Variants in RPTOR observed in about 807,000 individuals in gnomAD.
The protein encoded by RPTOR is regulatory-associated protein of mTOR.
A neutral mutation model predicts 169.9 loss-of-function variants in RPTOR; 21 were observed. The observed-to-expected ratio is 0.12, with a 90% CI of 0.09 to 0.18. RPTOR has a LOEUF of 0.18. RPTOR is among the 10% of genes least tolerant of loss of function. RPTOR has a pLI of 1.00. For synonymous variants in RPTOR, 732 were observed against 753.2 expected, an observed-to-expected ratio of 0.97 and a Z score of 0.46; for missense variants, 1,133 against 1,855.9, an observed-to-expected ratio of 0.61 and a Z score of 7.16.
intron 13 of RPTOR, among the ~76,000 whole-genome samples, chr17:80,859,888 G>A (rs561337344): frequency 6.6e-6 from 1 of 152,216 alleles, no homozygotes; most frequent in Non-Finnish European, 1.5e-5. Context: ...GAGGGAGCAG[G>A]GGCCACATAG....
chr17:80,714,277 GC>G (rs1052765467), intron 4 of RPTOR, among the ~76,000 whole-genome samples: 3 of 152,042 alleles, frequency 2.0e-5, no homozygotes, highest in African/African-American at 7.3e-5. Context: ...AAAACTCTAG[GC>G]ATAGTATATT....
At position 80,648,837 on chromosome 17, in the gene RPTOR, C is replaced by T. The variant is rs537034559; in HGVS notation, c.348+5027C>T. 9.0e-4 allele frequency among the ~76,000 whole-genome samples: 137 copies of T among 152,202 alleles called. 1 individual carries two copies. Among genetic ancestry groups the T allele is most frequent in the African/African-American group, 3.2e-3 (134 of 41,524 alleles). ...TAGGGGGAACCCAGTGGGAGGTAAT[C>T]GAATCATAGGGGCGGGTCTTTCCTG... is the stretch of plus-strand genomic sequence containing the variant. On this transcript the variant is annotated intron_variant, in intron 3 of 33. Coordinates refer to ENST00000306801, the MANE Select transcript of RPTOR (RefSeq NM_020761.3).
intron 1 of RPTOR, among the ~76,000 whole-genome samples, chr17:80,595,696 A>G (rs2065139688): frequency 6.6e-6 from 1 of 152,154 alleles, no homozygotes; most frequent in South Asian, 2.1e-4. Flanking sequence ...GGCTCAAGCA[A>G]TCCTCCAACT....
At chr17:80,787,978 A>G (rs1016270746) in intron 6 of RPTOR, among the ~76,000 whole-genome samples, 6 of 152,206 alleles carry the variant, frequency 3.9e-5, no homozygotes, top group Non-Finnish European at 7.3e-5. Context: ...ATTACTTCAT[A>G]GATCCCCTTC....
At chr17:80,551,138 C>G (rs1256345119) in intron 1 of RPTOR, among the ~76,000 whole-genome samples, 2 of 152,202 alleles carry the variant, frequency 1.3e-5, no homozygotes, top group Non-Finnish European at 2.9e-5. Context: ...ATCCTCCCAC[C>G]TCAGCCTCCC....
At chr17:80,787,961 T>A (rs1161687641) in intron 6 of RPTOR, among the ~76,000 whole-genome samples, 1 of 151,940 alleles carries the variant, frequency 6.6e-6, no homozygotes, top group Non-Finnish European at 1.5e-5. Flanking sequence ...CAAGTTTGTG[T>A]GTCATCATTA....
intron 9 of RPTOR, 107 bp from the exon 10 acceptor site, chr17:80,837,815 A>G (rs1198703583): frequency 3.8e-6 from 4 of 1,060,892 alleles, no homozygotes; most frequent in Non-Finnish European, 5.7e-6. Flanking sequence ...GCCTCCGCCC[A>G]GACCCTTGCT....
At position 80,721,616 on chromosome 17, in the gene RPTOR, C is replaced by T. The variant is rs1240940771; in HGVS notation, c.508-8944C>T. Among the ~76,000 whole-genome samples, 1 of 151,232 alleles carries T rather than the reference C, an allele frequency of 6.6e-6. No individual in the cohort carries two copies. Among genetic ancestry groups the T allele is most frequent in the Non-Finnish European group, 1.5e-5 (1 of 68,028 alleles). ...GGCTGGGCAGCTGGGTGTCTCCAGC[C>T]CATCATGCTGGAACATGCTGGAAGC... On this transcript the variant is annotated intron_variant, in intron 4 of 33. Transcript: ENST00000306801. This position sits in a 1 kb window ranked among gnomAD's most constrained non-coding sequence, Gnocchi z 4.7.
At chr17:80,593,475 CAG>C (rs2065122414) in intron 1 of RPTOR, 1 of 154,786 alleles carries the variant, frequency 6.5e-6, no homozygotes, top group Non-Finnish European at 1.5e-5. Flanking sequence ...CTCAATGTAA[CAG>C]AGTATGAAAA....
Position 80,922,825 on chromosome 17 carries a change from G to A in RPTOR, c.2622G>A (p.Ala874=), listed in dbSNP as rs766200096. ...ACAAGGGCGTGCACATCCACCAGGCGGGGTAAGTGCCGCCCGCTCAGCCTG... is the reference window on the plus strand; with the variant it reads ...ACAAGGGCGTGCACATCCACCAGGCAGGGTAAGTGCCGCCCGCTCAGCCTG... ...PTNKGVHIHQ[A]GGSPPASSTS... is the part of the protein sequence containing the mutation. The change falls in exon 22 of 34, where the codon GCG becomes GCA. Residue 874 remains alanine (A), a splice_region_variant and synonymous_variant. Coordinates refer to ENST00000306801, the MANE Select transcript of RPTOR (RefSeq NM_020761.3). The A allele has an allele frequency of 2.2e-5, 35 of 1,562,950 alleles. No individual in the cohort carries two copies. The highest frequency in any genetic ancestry group is 4.1e-5 in the African/African-American group (3 of 73,644).
chr17:80,567,066 G>C (rs1432688094), intron 1 of RPTOR, among the ~76,000 whole-genome samples: 4 of 151,630 alleles, frequency 2.6e-5, no homozygotes, highest in African/African-American at 9.7e-5. Context: ...TGTCTCCCAG[G>C]CTCAAGCGAT....
intron 3 of RPTOR, among the ~76,000 whole-genome samples, chr17:80,675,768 G>A (rs994083761): frequency 6.6e-6 from 1 of 152,192 alleles, no homozygotes; most frequent in Non-Finnish European, 1.5e-5. Flanking sequence ...GTGAATTTCA[G>A]AACGTGCCCC....
intron 1 of RPTOR, among the ~76,000 whole-genome samples, chr17:80,576,432 G>A (rs2064964099): frequency 6.6e-6 from 1 of 152,178 alleles, no homozygotes; most frequent in African/African-American, 2.4e-5. Flanking sequence ...CAAGACTTAG[G>A]AAATTATTTA....
At chr17:80,724,223 C>G (rs1239110091) in intron 4 of RPTOR, among the ~76,000 whole-genome samples, 1 of 151,100 alleles carries the variant, frequency 6.6e-6, no homozygotes, top group African/African-American at 2.5e-5. Context: ...GACATGAGAG[C>G]TGGTTCCCCT....
intron 9 of RPTOR, among the ~76,000 whole-genome samples, chr17:80,833,239 G>A (rs747632920): frequency 3.9e-5 from 6 of 152,204 alleles, no homozygotes; most frequent in Non-Finnish European, 7.3e-5. Context: ...CTCTTGCCTG[G>A]ATGACATGTT....
chr17:80,706,288 A>G (rs1387888584), intron 3 of RPTOR, among the ~76,000 whole-genome samples: 6 of 152,094 alleles, frequency 3.9e-5, no homozygotes, highest in African/African-American at 1.4e-4. Flanking sequence ...AGAAGGTCGT[A>G]GATTTACTCT....
intron 4 of RPTOR, among the ~76,000 whole-genome samples, chr17:80,729,022 A>C (rs947382368): frequency 6.6e-6 from 1 of 152,132 alleles, no homozygotes; most frequent in Admixed American, 6.5e-5. Flanking sequence ...GTCTCCACAC[A>C]CCCCCCACAC....
chr17:80,751,207 G>T (rs2066626984), intron 5 of RPTOR, among the ~76,000 whole-genome samples: 1 of 152,166 alleles, frequency 6.6e-6, no homozygotes, highest in African/African-American at 2.4e-5. Flanking sequence ...AAAGCACTGG[G>T]CGTGCTGTCT....
intron 11 of RPTOR, among the ~76,000 whole-genome samples, chr17:80,853,883 A>T (rs887160159): frequency 3.9e-5 from 6 of 152,052 alleles, no homozygotes; most frequent in African/African-American, 1.5e-4. Context: ...CAGGAGGCTG[A>T]GGCAGGAGAA....
Sources: gnomAD v4.1 joint callset for allele counts (sites outside exome capture counted in the v4.1 genomes callset) on GRCh38, gnomAD v4.1.1 for gene constraint, Gnocchi (gnomAD v3.1) non-coding constraint, MANE v1.5 for transcripts, NCBI Gene and HGNC (gene_info 2026-07-23, HGNC 2026-07-21) for gene names.